AGO3: variants seen among roughly 807,000 people sequenced by gnomAD.
AGO3 encodes argonaute RISC catalytic component 3.
Under a neutral mutation model 105.5 loss-of-function variants are expected in AGO3, and 16 were observed. The observed-to-expected ratio is 0.15, with a 90% CI of 0.10 to 0.23. The LOEUF (loss-of-function observed/expected upper bound fraction) is 0.23. Among genes scored for constraint, AGO3 ranks in the 10% least tolerant of loss-of-function variants. The pLI, the probability that AGO3 is intolerant of heterozygous loss-of-function variation, is 1.00. For synonymous variants in AGO3, 340 were observed against 367.3 expected, an observed-to-expected ratio of 0.93 and a Z score of 0.85; for missense variants, 534 against 1,088.0, an observed-to-expected ratio of 0.49 and a Z score of 7.16.
At chr1:35,938,296 C>A (rs1646189204) in intron 1 of AGO3, among the ~76,000 whole-genome samples, 2 of 152,004 alleles carry the variant, frequency 1.3e-5, no homozygotes, top group Non-Finnish European at 2.9e-5. Context: ...AAAATGCATT[C>A]TTTTTCCAAT....
At chr1:36,000,269 A>G (rs1640024009) in intron 5 of AGO3, among the ~76,000 whole-genome samples, 1 of 152,176 alleles carries the variant, frequency 6.6e-6, no homozygotes, top group South Asian at 2.1e-4. Flanking sequence ...CAAACATTTG[A>G]TCATTGAAAC....
intron 11 of AGO3, among the ~76,000 whole-genome samples, chr1:36,017,808 T>C (rs2148823634): frequency 6.6e-6 from 1 of 151,836 alleles, no homozygotes; most frequent in Middle Eastern, 3.4e-3. Flanking sequence ...GAGGCTGAAG[T>C]GGGAGGATTG....
intron 1 of AGO3, among the ~76,000 whole-genome samples, chr1:35,933,643 A>C (rs1288798337): frequency 7.9e-5 from 8 of 100,686 alleles, no homozygotes; most frequent in African/African-American, 4.6e-4. Flanking sequence ...CCTGTCTCAA[A>C]AAAAAAAAAA....
At chr1:36,010,432 C>T (rs1290521031) in intron 9 of AGO3, among the ~76,000 whole-genome samples, 2 of 151,740 alleles carry the variant, frequency 1.3e-5, no homozygotes, top group East Asian at 3.9e-4. Flanking sequence ...GGCAAAATGC[C>T]ATCTCTACTA....
chr1:36,014,459 A>C (rs1299741141), intron 11 of AGO3, among the ~76,000 whole-genome samples: 1 of 151,410 alleles, frequency 6.6e-6, no homozygotes, highest in Non-Finnish European at 1.5e-5. Context: ...TGCCCGGCCT[A>C]GTCACTGAAC....
chr1:36,036,126 A>G, intron 13 of AGO3, 51 bp from the exon 14 acceptor site: 1 of 1,552,700 alleles, frequency 6.4e-7, no homozygotes, highest in South Asian at 1.1e-5. Flanking sequence ...AAACAGATAA[A>G]TGGATACTGA....
intron 5 of AGO3, among the ~76,000 whole-genome samples, chr1:35,984,822 ATATCT>A (rs1178472289): frequency 2.6e-5 from 4 of 152,316 alleles, no homozygotes; most frequent in Middle Eastern, 6.8e-3. Flanking sequence ...GTAGTATGTG[ATATCT>A]TAGCTGAGCT....
chr1:36,017,859 C>T (rs892837614), intron 11 of AGO3, among the ~76,000 whole-genome samples: 5 of 151,346 alleles, frequency 3.3e-5, no homozygotes, highest in South Asian at 2.1e-4. Flanking sequence ...GCCGAGATCA[C>T]GCCACTGCAT....
chr1:36,044,199 G>C (rs891859015), intron 17 of AGO3, among the ~76,000 whole-genome samples: 5 of 151,976 alleles, frequency 3.3e-5, no homozygotes, highest in African/African-American at 1.2e-4. Context: ...ATAAAAATTA[G>C]CCAGGTGTGG....
intron 5 of AGO3, among the ~76,000 whole-genome samples, chr1:35,985,160 G>A (rs1647143332): frequency 6.6e-6 from 1 of 152,076 alleles, no homozygotes; most frequent in South Asian, 2.1e-4. Context: ...GTGTGTGACT[G>A]TAGTCCCAGC....
At chr1:36,011,602 AT>A (rs1557683901) in intron 9 of AGO3, among the ~76,000 whole-genome samples, 1 of 152,248 alleles carries the variant, frequency 6.6e-6, no homozygotes, top group Non-Finnish European at 1.5e-5. Flanking sequence ...TTTAAAAAAA[AT>A]AAAACAGACT....
chr1:35,949,134 G>C (rs957129133), intron 2 of AGO3, among the ~76,000 whole-genome samples: 1 of 151,990 alleles, frequency 6.6e-6, no homozygotes, highest in African/African-American at 2.4e-5. Context: ...GTAGAGATGA[G>C]GTTTCTCCAT....
chr1:35,952,213 C>T (rs1216337873), intron 2 of AGO3, among the ~76,000 whole-genome samples: 1 of 144,368 alleles, frequency 6.9e-6, no homozygotes, highest in Admixed American at 7.2e-5. Flanking sequence ...GTGGCGCGAT[C>T]GCGGCTCACT....
At chr1:35,982,479 G>A in intron 5 of AGO3, 1 of 592,694 alleles carries the variant, frequency 1.7e-6, no homozygotes, top group Non-Finnish European at 3.1e-6. Flanking sequence ...AAAAATCACA[G>A]AAAATTAAAT....
chr1:35,983,936 G>A (rs564398510), intron 5 of AGO3, among the ~76,000 whole-genome samples: 1 of 152,260 alleles, frequency 6.6e-6, no homozygotes, highest in Admixed American at 6.5e-5. Context: ...AATCTATAAT[G>A]GTGGGAGCTG....
Position 36,041,176 on chromosome 1 carries a change from G to C in AGO3, c.2172+735G>C, listed in dbSNP as rs531663747. On this transcript the variant is annotated intron_variant, in intron 16 of 18. Transcript: ENST00000373191. ...ATTTTATGCATTTTATAATGTGAATGTATATTTTTTATAATTAGGAAGGAA... is the reference window on the plus strand; with the variant it reads ...ATTTTATGCATTTTATAATGTGAATCTATATTTTTTATAATTAGGAAGGAA... Among the ~76,000 whole-genome samples, 120 of 144,886 alleles carry C rather than the reference G, an allele frequency of 8.3e-4. 1 individual carries two copies. Among genetic ancestry groups the C allele is most frequent in the African/African-American group, 3.0e-3 (118 of 39,112 alleles).
At chr1:35,979,319 G>A (rs1400335884) in intron 5 of AGO3, among the ~76,000 whole-genome samples, 4 of 152,106 alleles carry the variant, frequency 2.6e-5, no homozygotes, top group South Asian at 2.1e-4. Context: ...AGCCGAGATC[G>A]CGCCGCTGCA....
At chr1:35,973,555 T>G (rs1167274442) in intron 5 of AGO3, 44 bp downstream of exon 5, 2 of 1,411,248 alleles carry the variant, frequency 1.4e-6, no homozygotes, top group Non-Finnish European at 1.9e-6. Context: ...GGTGGATTTC[T>G]GTATGATGTG....
rs1643145909 is a variant in AGO3, at chr1:36,070,387, G to T, written c.*14642G>T. 6.6e-6 allele frequency: 1 copy of T among 152,158 alleles called. No individual in the cohort carries two copies. The highest frequency in any genetic ancestry group is 2.4e-5 in the African/African-American group (1 of 41,434). 9.4% of individuals were successfully genotyped at this position (152,158 alleles called of 1,614,324 possible). A position where few individuals can be genotyped will look rare whatever the true frequency, so the allele number is the denominator to read the frequency against. On this transcript the variant is annotated 3_prime_UTR_variant, in exon 19 of 19. Coordinates refer to ENST00000373191, the MANE Select transcript of AGO3 (RefSeq NM_024852.4). ...TCTGAGCACCTGCAGGTCATATCAG[G>T]TGTCTGATGCAGTTACCTTTATAGA...
Sources: allele counts gnomAD v4.1 joint callset (sites outside exome capture counted in the v4.1 genomes callset), GRCh38; gene constraint gnomAD v4.1.1; transcripts MANE v1.5; gene names NCBI Gene and HGNC (gene_info 2026-07-23, HGNC 2026-07-21).